The following TCAIM variants were observed in gnomAD, a reference collection of about 807,000 sequenced individuals.
TCAIM encodes T cell activation inhibitor, mitochondrial.
In TCAIM, 36 loss-of-function variants were observed where a neutral mutation model predicts 58.6. The ratio of observed to expected loss-of-function variants is 0.61; its 90% CI spans 0.47 to 0.81. The LOEUF (loss-of-function observed/expected upper bound fraction) is 0.81. Among genes scored for constraint, TCAIM ranks in the 30% least tolerant of loss-of-function variants. The pLI, the probability that TCAIM is intolerant of heterozygous loss-of-function variation, is 0.00. For synonymous variants in TCAIM, 172 were observed against 193.6 expected (o/e 0.89, Z 0.93); for missense variants, 466 against 579.6 (o/e 0.80, Z 2.01).
intron 5 of TCAIM, chr3:44,391,221 C>T (rs1234561469): frequency 6.6e-6 from 1 of 152,034 alleles, no homozygotes; most frequent in Admixed American, 6.6e-5. Flanking sequence ...GAGTCTCGCT[C>T]TGTCACCCAA....
chr3:44,382,438 G>A (rs1701668799), intron 5 of TCAIM, among the ~76,000 whole-genome samples: 1 of 152,150 alleles, frequency 6.6e-6, no homozygotes, highest in Non-Finnish European at 1.5e-5. Context: ...AGAGAATACA[G>A]CAGTAAATAC....
chr3:44,346,507 A>T (rs994524011), intron 1 of TCAIM, among the ~76,000 whole-genome samples: 4 of 152,112 alleles, frequency 2.6e-5, no homozygotes, highest in Non-Finnish European at 5.9e-5. Context: ...ATGTGTAGGG[A>T]AGGGAGAGGG....
intron 5 of TCAIM, among the ~76,000 whole-genome samples, chr3:44,385,661 T>C (rs1701727394): frequency 1.3e-5 from 2 of 152,170 alleles, no homozygotes; most frequent in Non-Finnish European, 2.9e-5. Context: ...GAGAATTGTT[T>C]GAACCCAGGA....
intron 5 of TCAIM, among the ~76,000 whole-genome samples, chr3:44,370,387 TGGAGGTTGCAGTGAG>T (rs1701445700): frequency 1.4e-5 from 2 of 143,274 alleles, no homozygotes; most frequent in Non-Finnish European, 3.0e-5. Context: ...ACCGGGGAGG[TGGAGGTTGCAGTGAG>T]CCAACATCAC....
At chr3:44,344,318 T>A (rs1258146023) in intron 1 of TCAIM, among the ~76,000 whole-genome samples, 1 of 152,164 alleles carries the variant, frequency 6.6e-6, no homozygotes, top group Non-Finnish European at 1.5e-5. Context: ...TCTGAAATGC[T>A]TCTGAAATGT....
chr3:44,348,314 GT>G (rs1183835599), intron 1 of TCAIM, among the ~76,000 whole-genome samples: 1 of 152,138 alleles, frequency 6.6e-6, no homozygotes, highest in Non-Finnish European at 1.5e-5. Flanking sequence ...CTGGGAAGGA[GT>G]CAGTCAGAGA....
intron 5 of TCAIM, among the ~76,000 whole-genome samples, chr3:44,392,204 A>G (rs1701849294): frequency 6.6e-6 from 1 of 152,222 alleles, no homozygotes; most frequent in African/African-American, 2.4e-5. Context: ...CAGTTCTCCA[A>G]GCAACTTATT....
intron 8 of TCAIM, among the ~76,000 whole-genome samples, chr3:44,398,169 T>A (rs867804167): frequency 1.3e-5 from 2 of 152,142 alleles, no homozygotes; most frequent in Admixed American, 6.5e-5. Flanking sequence ...CTCACACCTG[T>A]AATCCCAGTA....
At chr3:44,393,457 T>C (rs1349086639) in intron 6 of TCAIM, among the ~76,000 whole-genome samples, 1 of 152,130 alleles carries the variant, frequency 6.6e-6, no homozygotes, top group African/African-American at 2.4e-5. Flanking sequence ...CAAGACTTCA[T>C]CTCAATTTAT....
At chr3:44,343,157 G>A (rs1368065800) in intron 1 of TCAIM, among the ~76,000 whole-genome samples, 1 of 151,542 alleles carries the variant, frequency 6.6e-6, no homozygotes, top group East Asian at 1.9e-4. Context: ...AAGAAGAAAT[G>A]TTTTGGTGTT....
chr3:44,368,904 T>G (rs1013530798), intron 5 of TCAIM, among the ~76,000 whole-genome samples: 1 of 152,126 alleles, frequency 6.6e-6, no homozygotes, highest in Non-Finnish European at 1.5e-5. Context: ...ACATTTGTAG[T>G]TCTAGCTACT....
intron 3 of TCAIM, among the ~76,000 whole-genome samples, chr3:44,361,056 C>T (rs993687728): frequency 7.2e-5 from 11 of 152,176 alleles, no homozygotes; most frequent in Admixed American, 6.5e-4. Flanking sequence ...AACAAACAAT[C>T]ATTTATTACT....
chr3:44,385,320 C>T (rs948642517), intron 5 of TCAIM, among the ~76,000 whole-genome samples: 11 of 152,152 alleles, frequency 7.2e-5, no homozygotes, highest in Admixed American at 3.3e-4. Flanking sequence ...AAGAGAGACT[C>T]TCACTTTACT....
intron 5 of TCAIM, among the ~76,000 whole-genome samples, chr3:44,372,050 G>C (rs1559571059): frequency 1.3e-5 from 2 of 149,316 alleles, no homozygotes; most frequent in African/African-American, 5.0e-5. Context: ...AGGAAGGAAG[G>C]AAGGAAGGAA....
chr3:44,353,741 G>C (rs1701139107), intron 1 of TCAIM, among the ~76,000 whole-genome samples: 1 of 152,178 alleles, frequency 6.6e-6, no homozygotes, highest in South Asian at 2.1e-4. Flanking sequence ...TGAGGTGTCT[G>C]TTAAGGTTTT....
At position 44,400,492 on chromosome 3, in the gene TCAIM, T is replaced by C; in HGVS notation, c.1023T>C (p.Tyr341=). 1.2e-6 allele frequency: 2 copies of C among 1,613,610 alleles called. No homozygotes were observed. Among genetic ancestry groups the C allele is most frequent in the Non-Finnish European group, 1.7e-6 (2 of 1,179,682 alleles). ...ELQPVLTLEE[Y]YSLLDVFYNR... ...AGCCAGTATTGACACTTGAAGAATA[T>C]TACTCTCTTCTTGATGTGTTTTATA... Residue 341 remains tyrosine (Y), a synonymous_variant, in exon 9 of 11, where the codon TAT becomes TAC. Coordinates refer to ENST00000342649, the MANE Select transcript of TCAIM (RefSeq NM_173826.4).
At chr3:44,380,258 C>T (rs1701634258) in intron 5 of TCAIM, among the ~76,000 whole-genome samples, 2 of 152,034 alleles carry the variant, frequency 1.3e-5, no homozygotes, top group South Asian at 2.1e-4. Context: ...TCGTGTATTT[C>T]AGAATAGCTA....
chr3:44,395,650 T>G (rs1224835061), intron 6 of TCAIM, among the ~76,000 whole-genome samples: 3 of 152,230 alleles, frequency 2.0e-5, no homozygotes, highest in Non-Finnish European at 4.4e-5. Flanking sequence ...AATGAGCAGA[T>G]TACATGATTT....
At chr3:44,345,995 T>C (rs1200312357) in intron 1 of TCAIM, among the ~76,000 whole-genome samples, 1 of 152,050 alleles carries the variant, frequency 6.6e-6, no homozygotes, top group Non-Finnish European at 1.5e-5. Flanking sequence ...TAGGCTGGTG[T>C]CTGGAATGAG....
Sources: gnomAD v4.1 joint callset for allele counts (sites outside exome capture counted in the v4.1 genomes callset) on GRCh38, gnomAD v4.1.1 for gene constraint, MANE v1.5 for transcripts, NCBI Gene and HGNC (gene_info 2026-07-23, HGNC 2026-07-21) for gene names.